The following STK4 variants were observed in gnomAD, a reference collection of about 807,000 sequenced individuals.
STK4 encodes serine/threonine kinase 4.
A neutral mutation model predicts 64.9 loss-of-function variants in STK4; 30 were observed. The observed-to-expected ratio is 0.46, with a 90% CI of 0.35 to 0.63. The LOEUF is 0.63. STK4 is among the 20% of genes least tolerant of loss of function. The pLI is 0.01. For missense variants in STK4, 466 were observed against 598.5 expected (o/e 0.78, Z 2.31); for synonymous variants, 177 against 199.0 (o/e 0.89, Z 0.93).
At chr20:44,986,374 G>A (rs1018735318) in intron 4 of STK4, among the ~76,000 whole-genome samples, 6 of 152,218 alleles carry the variant, frequency 3.9e-5, no homozygotes, top group African/African-American at 1.4e-4. Context: ...CCAGAAAGGG[G>A]AGTGTGCTTA....
chr20:45,044,622 T>A (rs2068664874), intron 10 of STK4, among the ~76,000 whole-genome samples: 1 of 151,990 alleles, frequency 6.6e-6, no homozygotes, highest in Non-Finnish European at 1.5e-5. Flanking sequence ...GCCACTACAC[T>A]CCAGTCTGGG....
intron 10 of STK4, among the ~76,000 whole-genome samples, chr20:45,028,694 C>T (rs1337742322): frequency 1.3e-5 from 2 of 152,114 alleles, no homozygotes; most frequent in East Asian, 1.9e-4. Context: ...GACTGTTGCC[C>T]ATTTGTATGT....
At chr20:45,013,848 A>G (rs1488145697) in intron 9 of STK4, among the ~76,000 whole-genome samples, 1 of 152,074 alleles carries the variant, frequency 6.6e-6, no homozygotes, top group Non-Finnish European at 1.5e-5. Flanking sequence ...TAAAATTGTC[A>G]CTGTGTGGTT....
chr20:45,046,476 G>A (rs1428457646), intron 10 of STK4, among the ~76,000 whole-genome samples: 3 of 150,194 alleles, frequency 2.0e-5, no homozygotes, highest in African/African-American at 4.9e-5. Context: ...TATAACCTCT[G>A]AAAACAAAGG....
chr20:44,980,598 T>G (rs1172361196), intron 3 of STK4, among the ~76,000 whole-genome samples: 1 of 152,266 alleles, frequency 6.6e-6, no homozygotes, highest in African/African-American at 2.4e-5. Context: ...TATTACAAAG[T>G]ACATATGACT....
intron 2 of STK4, among the ~76,000 whole-genome samples, chr20:44,977,979 GAC>G (rs1231136774): frequency 1.3e-5 from 2 of 152,198 alleles, no homozygotes; most frequent in Non-Finnish European, 2.9e-5. Context: ...TTTGTTTTCA[GAC>G]ACACCCGGGT....
intron 4 of STK4, 135 bp from the exon 5 acceptor site, chr20:44,986,997 A>G (rs577240622): frequency 4.6e-6 from 3 of 658,470 alleles, no homozygotes; most frequent in Non-Finnish European, 7.5e-6. Flanking sequence ...TATCTATGGT[A>G]TAAGCAGTCA....
At chr20:44,967,514 C>T (rs907231954) in intron 1 of STK4, among the ~76,000 whole-genome samples, 1 of 152,170 alleles carries the variant, frequency 6.6e-6, no homozygotes, top group African/African-American at 2.4e-5. Context: ...GTGGACATCC[C>T]GGGTCTTTTG....
chr20:44,997,059 T>C, intron 6 of STK4, 110 bp from the exon 7 acceptor site: 1 of 1,501,388 alleles, frequency 6.7e-7, no homozygotes, highest in Admixed American at 1.9e-5. Flanking sequence ...TCTCAGTGGG[T>C]AAGTGAAAAA....
At position 44,979,052 on chromosome 20, in the gene STK4, C is replaced by T. The variant is rs534891509; in HGVS notation, c.245+481C>T. 7.2e-5 allele frequency among the ~76,000 whole-genome samples: 11 copies of T among 152,230 alleles called. No individual in the cohort carries two copies. In the South Asian group the frequency reaches 8.3e-4, roughly 11 times the overall value. On this transcript the variant is annotated intron_variant, in intron 3 of 10. Coordinates refer to ENST00000372806, the MANE Select transcript of STK4 (RefSeq NM_006282.5). ...CTGACCATAAATGATCTGCCTGCCT[C>T]GGCCAAGTCCCAAAGTACTGGGATT... is the stretch of plus-strand genomic sequence containing the variant.
chr20:44,990,238 T>C (rs2067606964), intron 5 of STK4, among the ~76,000 whole-genome samples: 1 of 152,252 alleles, frequency 6.6e-6, no homozygotes, highest in Non-Finnish European at 1.5e-5. Context: ...TAATTTGCAG[T>C]GTACAAGTTT....
rs1014058732 is a variant in STK4, at chr20:44,997,284, C to T, written c.809C>T (p.Ala270Val). ...CTTGTAAAGAGCCCTGAGCAGAGGG[C>T]CACAGCCACTCAGCTCCTGCAGGTA... ...QCLVKSPEQR[A>V]TATQLLQHPF... The change falls in exon 7 of 11, where the codon GCC becomes GTC. Residue 270 changes from alanine to valine, a missense_variant. Physicochemically the swap from Ala to Val is moderately conservative, Grantham distance 64 (BLOSUM62 0). This residue lies in a region of STK4 where 276 missense variants were observed against 308.9 expected (regional missense o/e 0.89). Coordinates refer to ENST00000372806, the MANE Select transcript of STK4 (RefSeq NM_006282.5). The T allele has an allele frequency of 6.2e-7, 1 of 1,605,272 alleles. No individual in the cohort carries two copies. The highest frequency in any genetic ancestry group is 8.5e-7 in the Non-Finnish European group (1 of 1,177,062).
chr20:45,010,025 CT>C (rs869295424), intron 9 of STK4, among the ~76,000 whole-genome samples: 1 of 145,998 alleles, frequency 6.8e-6, no homozygotes, highest in Admixed American at 6.8e-5. Flanking sequence ...TTATTTCTTT[CT>C]TTTGCCTGGT....
chr20:45,050,080 G>A (rs758558721), intron 10 of STK4, among the ~76,000 whole-genome samples: 2 of 152,124 alleles, frequency 1.3e-5, no homozygotes, highest in East Asian at 1.9e-4. Flanking sequence ...TAGAACAGAC[G>A]AGCATTCAGA....
intron 9 of STK4, among the ~76,000 whole-genome samples, chr20:45,009,563 C>G (rs780035060): frequency 1.3e-5 from 2 of 152,162 alleles, no homozygotes; most frequent in East Asian, 3.9e-4. Context: ...TTTCTAGTTC[C>G]GTGAAGAATG....
In STK4 at chr20:45,079,354, G is replaced by T. The variant is rs540308865; in HGVS notation, c.*4178G>T. The T allele has an allele frequency of 9.8e-5, 15 of 152,308 alleles. No homozygotes were observed. In the East Asian group the frequency reaches 2.1e-3, roughly 22 times the overall value. The allele number at this position is 152,308 out of a possible 1,614,324, so 9.4% of individuals were successfully genotyped here. A position where few individuals can be genotyped will look rare whatever the true frequency, so the allele number is the denominator to read the frequency against. Reference sequence around the variant, plus strand: ...AGAGAAGTAAAGTCTATTGCTCAAGGTCATGTGGCTAGAATATGGCAGAGC... The same window carrying T: ...AGAGAAGTAAAGTCTATTGCTCAAGTTCATGTGGCTAGAATATGGCAGAGC... On this transcript the variant is annotated 3_prime_UTR_variant, in exon 11 of 11. Coordinates refer to ENST00000372806, the MANE Select transcript of STK4 (RefSeq NM_006282.5).
rs1312817057 is a variant in STK4, at chr20:45,077,103, G to T, written c.*1927G>T. On this transcript the variant is annotated 3_prime_UTR_variant, in exon 11 of 11. Coordinates refer to ENST00000372806, the MANE Select transcript of STK4 (RefSeq NM_006282.5). ...TTGTAGTTGAAGAAATAAGTTCAGA[G>T]AGAAAGATTCCTTCCCAAGGTCATG... The T allele has an allele frequency of 6.6e-6, 1 of 152,218 alleles. No individual in the cohort carries two copies. Among genetic ancestry groups the T allele is most frequent in the Non-Finnish European group, 1.5e-5 (1 of 68,044 alleles). The allele number at this position is 152,218 out of a possible 1,614,324, so 9.4% of individuals were successfully genotyped here.
intron 10 of STK4, among the ~76,000 whole-genome samples, chr20:45,047,215 A>G (rs1473336317): frequency 6.6e-6 from 1 of 152,144 alleles, no homozygotes; most frequent in Non-Finnish European, 1.5e-5. Flanking sequence ...ATATCCTCAC[A>G]TGGTAGATCT....
chr20:45,026,979 G>A (rs865929823), intron 10 of STK4, among the ~76,000 whole-genome samples: 3 of 152,292 alleles, frequency 2.0e-5, no homozygotes, highest in African/African-American at 7.2e-5. Context: ...TCTTCAACAT[G>A]TGTATAAGGA....
Sources: gnomAD v4.1 joint callset for allele counts (sites outside exome capture counted in the v4.1 genomes callset) on GRCh38, gnomAD v4.1.1 for gene constraint, gnomAD v4.1.1 regional missense constraint, MANE v1.5 for transcripts, NCBI Gene and HGNC (gene_info 2026-07-23, HGNC 2026-07-21) for gene names.